The following REEP5 variants were observed in gnomAD, a reference collection of about 807,000 sequenced individuals.
REEP5 encodes the protein receptor accessory protein 5.
In REEP5, 24 loss-of-function variants were observed where a neutral mutation model predicts 22.4. The observed-to-expected ratio is 1.07, with a 90% CI of 0.78 to 1.51. The LOEUF is 1.51. Ranked by LOEUF, REEP5 falls within the 40% of genes most tolerant of loss-of-function variation. The pLI, the probability that REEP5 is intolerant of heterozygous loss-of-function variation, is 0.00. For missense variants in REEP5, 252 were observed against 233.0 expected (o/e 1.08, Z -0.53); for synonymous variants, 103 against 88.6 (o/e 1.16, Z -0.92).
At chr5:112,905,700 G>A (rs1205841739) in intron 2 of REEP5, among the ~76,000 whole-genome samples, 14 of 151,866 alleles carry the variant, frequency 9.2e-5, no homozygotes, top group Non-Finnish European at 7.4e-5. Context: ...AACTCACTGC[G>A]GCCTCAACCT....
rs1769355832 is a variant in REEP5 at position 112,921,262 on chromosome 5, G to A, written c.119-6C>T. The A allele has an allele frequency of 1.2e-6, 2 of 1,613,884 alleles. No homozygotes were observed. The highest frequency in any genetic ancestry group is 2.2e-5 in the East Asian group (1 of 44,864). On this transcript the variant is annotated splice_region_variant and splice_polypyrimidine_tract_variant and intron_variant, in intron 1 of 4. Coordinates refer to ENST00000379638, the MANE Select transcript of REEP5 (RefSeq NM_005669.5). ...GGCCACCAGTCCGATGACACCTGGG[G>A]ACCACAAGGAGAGAAGTGGGTCGGG...
chr5:112,916,382 T>G (rs1010337728), intron 2 of REEP5, among the ~76,000 whole-genome samples: 2 of 152,220 alleles, frequency 1.3e-5, no homozygotes, highest in Non-Finnish European at 2.9e-5. Context: ...TGCATCCCCT[T>G]AGGAAATCCA....
chr5:112,896,928 CAAAA>C (rs1212490241), intron 3 of REEP5: 1 of 151,876 alleles, frequency 6.6e-6, no homozygotes, highest in African/African-American at 2.4e-5. Flanking sequence ...GACTCCGTCT[CAAAA>C]AAAGTAAAGT....
intron 2 of REEP5, among the ~76,000 whole-genome samples, chr5:112,918,201 C>G (rs951167999): frequency 6.6e-6 from 1 of 151,988 alleles, no homozygotes; most frequent in Non-Finnish European, 1.5e-5. Flanking sequence ...GATGAAAGAC[C>G]CTGTTCTCAA....
At chr5:112,911,992 G>A (rs1394367093) in intron 2 of REEP5, among the ~76,000 whole-genome samples, 1 of 152,110 alleles carries the variant, frequency 6.6e-6, no homozygotes. Flanking sequence ...ATGACACAAA[G>A]TTAAAGAACT....
At chr5:112,898,119 A>T (rs1341868071) in intron 3 of REEP5, 1 of 152,230 alleles carries the variant, frequency 6.6e-6, no homozygotes, top group Non-Finnish European at 1.5e-5. Context: ...CCACACTTCC[A>T]GTCAGCATGC....
At chr5:112,921,297 A>AGCCGTTCAC (rs1769357218) in intron 1 of REEP5, 41 bp from the exon 2 acceptor site, 1 of 1,597,032 alleles carries the variant, frequency 6.3e-7, no homozygotes, top group African/African-American at 1.3e-5. Flanking sequence ...GCAGCATGAG[A>AGCCGTTCAC]GCCGTTCACG....
chr5:112,914,541 A>G (rs1423375032), intron 2 of REEP5, among the ~76,000 whole-genome samples: 1 of 152,182 alleles, frequency 6.6e-6, no homozygotes, highest in Non-Finnish European at 1.5e-5. Flanking sequence ...AAAAAGATTA[A>G]TGCCAGGAGC....
In REEP5 at chr5:112,921,931, A is replaced by G. The variant is rs1453436935; in HGVS notation, c.118+142T>C. 2.7e-6 allele frequency: 3 copies of G among 1,091,054 alleles called. No individual in the cohort carries two copies. In the African/African-American group the frequency reaches 5.0e-5, roughly 18 times the overall value. 67.6% of individuals were successfully genotyped at this position (1,091,054 alleles called of 1,614,324 possible). On this transcript the variant is annotated intron_variant, in intron 1 of 4. Coordinates refer to ENST00000379638, the MANE Select transcript of REEP5 (RefSeq NM_005669.5). The stretch of plus-strand genomic sequence containing the variant: ...CGATGCCCACGCTTTCCGGGAGGCC[A>G]GCCTGATCCCTGAATATGCTGCTTG...
intron 3 of REEP5, chr5:112,898,209 C>T (rs970267744): frequency 6.6e-6 from 1 of 152,368 alleles, no homozygotes; most frequent in African/African-American, 2.4e-5. Context: ...AGACGAGACT[C>T]TGCAATTCAG....
At chr5:112,914,084 A>C (rs550766338) in intron 2 of REEP5, among the ~76,000 whole-genome samples, 1 of 150,736 alleles carries the variant, frequency 6.6e-6, no homozygotes, top group Admixed American at 6.6e-5. Context: ...TCAAGGCTGC[A>C]GTGAGCTGTG....
intron 3 of REEP5, among the ~76,000 whole-genome samples, chr5:112,888,900 G>GGA (rs1768345534): frequency 6.6e-6 from 1 of 150,796 alleles, no homozygotes; most frequent in Admixed American, 6.6e-5. Flanking sequence ...GTTGTGGAAA[G>GGA]GACAGGGTGA....
intron 2 of REEP5, among the ~76,000 whole-genome samples, chr5:112,910,041 G>A (rs977611309): frequency 7.2e-5 from 11 of 152,212 alleles, no homozygotes; most frequent in Non-Finnish European, 1.0e-4. Flanking sequence ...AATGGCTCAC[G>A]CCTGTAATCG....
chr5:112,880,890 A>T (rs956524810), intron 4 of REEP5, among the ~76,000 whole-genome samples: 1 of 152,160 alleles, frequency 6.6e-6, no homozygotes, highest in Non-Finnish European at 1.5e-5. Flanking sequence ...GCATTTTGAG[A>T]GGCCGAGGTG....
At chr5:112,899,237 C>A (rs926306544) in intron 3 of REEP5, among the ~76,000 whole-genome samples, 1 of 147,588 alleles carries the variant, frequency 6.8e-6, no homozygotes, top group Non-Finnish European at 1.5e-5. Context: ...CACCACCATG[C>A]CTGGCATTTG....
Position 112,921,270 on chromosome 5 carries a change from G to A in REEP5, c.119-14C>T, listed in dbSNP as rs753416264. 1.1e-4 allele frequency: 178 copies of A among 1,613,300 alleles called. No homozygotes were observed. In the East Asian group the frequency reaches 3.4e-3, roughly 31 times the overall value. On this transcript the variant is annotated splice_polypyrimidine_tract_variant and intron_variant, in intron 1 of 4. Transcript: ENST00000379638. ...GTCCGATGACACCTGGGGACCACAA[G>A]GAGAGAAGTGGGTCGGGCAGCATGA...
chr5:112,896,864 G>A (rs1023029887), intron 3 of REEP5: 2 of 152,230 alleles, frequency 1.3e-5, no homozygotes, highest in Non-Finnish European at 2.9e-5. Flanking sequence ...CTGGGAAAGA[G>A]GTTACAGTGA....
At chr5:112,919,366 G>A (rs767485185) in intron 2 of REEP5, among the ~76,000 whole-genome samples, 1 of 152,042 alleles carries the variant, frequency 6.6e-6, no homozygotes, top group Non-Finnish European at 1.5e-5. Context: ...TGGCTAACAT[G>A]GCAAAACCGC....
chr5:112,899,468 A>T (rs939032825), intron 3 of REEP5, among the ~76,000 whole-genome samples: 1 of 152,018 alleles, frequency 6.6e-6, no homozygotes, highest in African/African-American at 2.4e-5. Context: ...ATAATTACTA[A>T]ATTATGCAAA....
Sources: allele counts gnomAD v4.1 joint callset (sites outside exome capture counted in the v4.1 genomes callset), GRCh38; gene constraint gnomAD v4.1.1; transcripts MANE v1.5; gene names NCBI Gene and HGNC (gene_info 2026-07-23, HGNC 2026-07-21).